SLC25A13: variants seen among roughly 807,000 people sequenced by gnomAD.
The protein encoded by SLC25A13 is solute carrier family 25 member 13, also known as electrogenic aspartate/glutamate antiporter SLC25A13, mitochondrial.
Under a neutral mutation model 85.5 loss-of-function variants are expected in SLC25A13, and 70 were observed. The observed-to-expected ratio is 0.82, with a 90% CI of 0.68 to 1.00. The LOEUF (loss-of-function observed/expected upper bound fraction) is 1.00, where lower values mean the gene tolerates loss of function less well. Among genes scored for constraint, SLC25A13 ranks in the 50% least tolerant of loss-of-function variants. The pLI is 0.00. For synonymous variants in SLC25A13, 259 were observed against 288.7 expected, an observed-to-expected ratio of 0.90 and a Z score of 1.04; for missense variants, 765 against 819.8, an observed-to-expected ratio of 0.93 and a Z score of 0.82.
intron 2 of SLC25A13, among the ~76,000 whole-genome samples, chr7:96,294,268 T>A (rs966169392): frequency 4.3e-5 from 4 of 93,014 alleles, no homozygotes; most frequent in African/African-American, 1.7e-4. Context: ...CATCACACAC[T>A]GGGGCCTGTT....
At position 96,234,280 on chromosome 7, in the gene SLC25A13, C is replaced by T. The variant is rs530582344; in HGVS notation, c.328+522G>A. The stretch of plus-strand genomic sequence containing the variant: ...AAAGAAGGCCACAGGAGAGCAGACA[C>T]TGCCAGCACAGCAGTCAGGTCGGGG... On this transcript the variant is annotated intron_variant, in intron 4 of 17. Coordinates refer to ENST00000265631, the MANE Select transcript of SLC25A13 (RefSeq NM_014251.3). Among the ~76,000 whole-genome samples the T allele has an allele frequency of 2.0e-5, 3 of 152,338 alleles. No individual in the cohort carries two copies. In the East Asian group the frequency reaches 5.8e-4, roughly 29 times the overall value.
At position 96,173,782 on chromosome 7, in the gene SLC25A13, A is replaced by G. The variant is rs143912308; in HGVS notation, c.1178-2258T>C. Among the ~76,000 whole-genome samples the G allele has an allele frequency of 2.2e-4, 34 of 152,278 alleles. No homozygotes were observed. The East Asian group carries it at 6.2e-3, about 28-fold the overall frequency. On this transcript the variant is annotated intron_variant, in intron 11 of 17. Transcript: ENST00000265631. Reference sequence around the variant, plus strand: ...TGCTTCATCCCCAGGGCCACAGCTGACTGGACAATGTAAAACACCTAAAAG... The same window carrying G: ...TGCTTCATCCCCAGGGCCACAGCTGGCTGGACAATGTAAAACACCTAAAAG...
chr7:96,142,109 A>C (rs1475865152), intron 14 of SLC25A13, among the ~76,000 whole-genome samples: 1 of 152,238 alleles, frequency 6.6e-6, no homozygotes, highest in African/African-American at 2.4e-5. Context: ...TACTTAAGAA[A>C]AGTAAAATAT....
chr7:96,178,282 G>A (rs1165700431), intron 11 of SLC25A13, among the ~76,000 whole-genome samples: 3 of 152,052 alleles, frequency 2.0e-5, no homozygotes, highest in Non-Finnish European at 4.4e-5. Context: ...GACCACGCTG[G>A]GCAACGCTAG....
At chr7:96,274,353 C>T (rs1423658708) in intron 3 of SLC25A13, among the ~76,000 whole-genome samples, 1 of 152,040 alleles carries the variant, frequency 6.6e-6, no homozygotes, top group Non-Finnish European at 1.5e-5. Flanking sequence ...GTTGATGGCG[C>T]TGTTTGTTTT....
intron 13 of SLC25A13, among the ~76,000 whole-genome samples, chr7:96,155,921 C>A (rs1052219903): frequency 6.6e-6 from 1 of 152,198 alleles, no homozygotes; most frequent in Non-Finnish European, 1.5e-5. Flanking sequence ...AATGTGAACG[C>A]GACTTGCCCA....
chr7:96,169,418 C>A (rs1327393718), intron 13 of SLC25A13, among the ~76,000 whole-genome samples: 1 of 151,486 alleles, frequency 6.6e-6, no homozygotes, highest in Non-Finnish European at 1.5e-5. Context: ...GTTTAATTTA[C>A]TTAAAGTATT....
intron 3 of SLC25A13, among the ~76,000 whole-genome samples, chr7:96,250,804 T>C (rs1243107688): frequency 1.4e-5 from 2 of 148,088 alleles, no homozygotes; most frequent in African/African-American, 5.0e-5. Context: ...ACAGCAGAGA[T>C]TTTAACATGT....
chr7:96,261,398 G>A (rs1161766206), intron 3 of SLC25A13, among the ~76,000 whole-genome samples: 4 of 152,068 alleles, frequency 2.6e-5, no homozygotes, highest in Admixed American at 6.6e-5. Flanking sequence ...AAGTATCAAG[G>A]TTGTCTCAGA....
chr7:96,246,356 C>A (rs909061419), intron 3 of SLC25A13, among the ~76,000 whole-genome samples: 1 of 152,136 alleles, frequency 6.6e-6, no homozygotes, highest in African/African-American at 2.4e-5. Context: ...TTGAGCTAAA[C>A]GATTTTTTAA....
At chr7:96,269,015 C>T (rs754678594) in intron 3 of SLC25A13, among the ~76,000 whole-genome samples, 81 of 152,218 alleles carry the variant, frequency 5.3e-4, no homozygotes, top group Admixed American at 9.2e-4. Context: ...TCTTTCATAG[C>T]AGTATCACTA....
At chr7:96,309,008 G>A (rs1799860595) in intron 1 of SLC25A13, among the ~76,000 whole-genome samples, 1 of 152,194 alleles carries the variant, frequency 6.6e-6, no homozygotes, top group Admixed American at 6.5e-5. Flanking sequence ...CTGGAACTGA[G>A]CTGGGAGGCA....
chr7:96,217,908 AAAAAC>A (rs1342138638), intron 4 of SLC25A13, among the ~76,000 whole-genome samples: 3 of 137,342 alleles, frequency 2.2e-5, no homozygotes, highest in Non-Finnish European at 4.7e-5. Context: ...TCTGAAAAAA[AAAAAC>A]AAAAAACACC....
In SLC25A13 at chr7:96,259,147, C is replaced by T. The variant is rs186254731; in HGVS notation, c.212+18049G>A. 5.4e-3 allele frequency among the ~76,000 whole-genome samples: 820 copies of T among 152,272 alleles called. 8 individuals carry two copies. The highest frequency in any genetic ancestry group is 0.018 in the African/African-American group (768 of 41,550). ...CTAGGCAATACCATTCAGACATAGG[C>T]ATATGCAAAGACTTCATGATTAAAA... On this transcript the variant is annotated intron_variant, in intron 3 of 17. Transcript: ENST00000265631.
At chr7:96,218,864 T>C (rs981548684) in intron 4 of SLC25A13, among the ~76,000 whole-genome samples, 1 of 152,168 alleles carries the variant, frequency 6.6e-6, no homozygotes, top group African/African-American at 2.4e-5. Context: ...TGCTAAATCC[T>C]CAAAGAAAGT....
intron 3 of SLC25A13, among the ~76,000 whole-genome samples, chr7:96,242,862 C>T (rs1248131093): frequency 1.3e-5 from 2 of 152,208 alleles, no homozygotes; most frequent in Admixed American, 6.5e-5. Context: ...AGCTGCACCC[C>T]GACCACCTTG....
At chr7:96,313,254 T>C (rs1004666547) in intron 1 of SLC25A13, among the ~76,000 whole-genome samples, 2 of 151,970 alleles carry the variant, frequency 1.3e-5, no homozygotes, top group African/African-American at 4.8e-5. Context: ...GAGGAGACAA[T>C]CTCAGGCACA....
intron 2 of SLC25A13, among the ~76,000 whole-genome samples, chr7:96,292,485 A>C (rs1562910043): frequency 6.6e-6 from 1 of 152,224 alleles, no homozygotes; most frequent in Non-Finnish European, 1.5e-5. Flanking sequence ...AGAGGAAGTC[A>C]AATTGTCCTG....
chr7:96,163,037 A>G (rs940125465), intron 13 of SLC25A13, among the ~76,000 whole-genome samples: 2 of 152,190 alleles, frequency 1.3e-5, no homozygotes, highest in African/African-American at 4.8e-5. Flanking sequence ...AAGGGCAATG[A>G]AGATGTTCCC....
Sources: allele counts gnomAD v4.1 joint callset (sites outside exome capture counted in the v4.1 genomes callset), GRCh38; gene constraint gnomAD v4.1.1; transcripts MANE v1.5; gene names NCBI Gene and HGNC (gene_info 2026-07-23, HGNC 2026-07-21).